Variants in NSMAF observed in about 807,000 individuals in gnomAD.
The protein encoded by NSMAF is neutral sphingomyelinase activation associated factor.
In NSMAF, 90 loss-of-function variants were observed where a neutral mutation model predicts 134.9. The ratio of observed to expected loss-of-function variants is 0.67; its 90% CI spans 0.56 to 0.79. NSMAF has a LOEUF of 0.79. Ranked by LOEUF, NSMAF falls within the 30% of genes least tolerant of loss-of-function variation. The pLI is 0.00. For synonymous variants in NSMAF, 358 were observed against 389.6 expected (o/e 0.92, Z 0.96); for missense variants, 1,010 against 1,119.0 (o/e 0.90, Z 1.39).
Position 58,589,492 on chromosome 8 carries a change from T to A in NSMAF, c.2171A>T (p.Asp724Val), listed in dbSNP as rs767390860. ...CCACGATGCAGAATATAGCCTGTTG[T>A]CATGCCAACAGATCTTACTAACAGC... The part of the protein sequence containing the change: ...DDAVSKICWH[D>V]NRLYSASWDS... The change falls in exon 26 of 31, where the codon GAC becomes GTC. Residue 724 changes from aspartate to valine, a missense_variant. Asp to Val is a radical substitution (Grantham distance 152). Coordinates refer to ENST00000038176, the MANE Select transcript of NSMAF (RefSeq NM_003580.4). 1 of 1,561,716 alleles carries A rather than the reference T, an allele frequency of 6.4e-7. No homozygotes were observed. The highest frequency in any genetic ancestry group is 1.7e-4 in the Middle Eastern group (1 of 5,942).
chr8:58,605,985 T>C lies in NSMAF; in HGVS notation c.810A>G (p.Leu270=), dbSNP rs1369403079. ...CTCTATCTTGAGGTTCATAGAACTT[T>C]AGGTAGATGTCGGAACACAGATCAT... ...TEDDLCSDIY[L]KFYEPQDRDD... The change falls in exon 12 of 31, where the codon CTA becomes CTG. Residue 270 remains leucine, a synonymous_variant. Transcript: ENST00000038176. 4 of 1,599,874 alleles carry C rather than the reference T, an allele frequency of 2.5e-6. No individual in the cohort carries two copies. The highest frequency in any genetic ancestry group is 2.3e-5 in the East Asian group (1 of 43,896).
intron 1 of NSMAF, among the ~76,000 whole-genome samples, chr8:58,647,426 C>T (rs368920134): frequency 2.6e-5 from 4 of 152,176 alleles, no homozygotes; most frequent in Admixed American, 1.3e-4. Flanking sequence ...AAACATCCCC[C>T]CAGTAATACA....
rs143050199 is a variant in NSMAF at position 58,657,937 on chromosome 8, T to C, written c.59+1636A>G. ...AGCAGCATATACATGGAAATGCAAG[T>C]ACAGGTTTCAAGGTTTGTGTGACAC... On this transcript the variant is annotated intron_variant, in intron 1 of 30. Transcript: ENST00000038176. Among the ~76,000 whole-genome samples, 93 of 152,312 alleles carry C rather than the reference T, an allele frequency of 6.1e-4. 2 individuals are homozygous for C. In the East Asian group the frequency reaches 0.015, roughly 24 times the overall value.
intron 2 of NSMAF, among the ~76,000 whole-genome samples, chr8:58,637,034 A>C (rs1001897336): frequency 6.6e-6 from 1 of 151,598 alleles, no homozygotes; most frequent in Non-Finnish European, 1.5e-5. Flanking sequence ...ACACACACAC[A>C]CACACACCCA....
chr8:58,616,207 A>G (rs1466157011), intron 9 of NSMAF, among the ~76,000 whole-genome samples: 14 of 152,158 alleles, frequency 9.2e-5, no homozygotes, highest in Admixed American at 7.9e-4. Flanking sequence ...TAAGGAAGAA[A>G]TAACAACAAT....
intron 5 of NSMAF, 31 bp from the exon 6 acceptor site, chr8:58,631,577 A>G: frequency 8.1e-7 from 1 of 1,233,522 alleles, no homozygotes; most frequent in Non-Finnish European, 1.1e-6. Flanking sequence ...CTTGTAAAAT[A>G]ATAACCAAAA....
chr8:58,645,265 T>TG (rs1807419672), intron 1 of NSMAF, among the ~76,000 whole-genome samples: 1 of 134,220 alleles, frequency 7.5e-6, no homozygotes, highest in Non-Finnish European at 1.7e-5. Flanking sequence ...GTTTTTCTAT[T>TG]TAAAAAAAAG....
chr8:58,659,734 G>C lies in NSMAF; in HGVS notation c.-103C>G. 1 of 929,410 alleles carries C rather than the reference G, an allele frequency of 1.1e-6. No homozygotes were observed. The highest frequency in any genetic ancestry group is 3.5e-5 in the East Asian group (1 of 28,624). The allele number at this position is 929,410 out of a possible 1,614,324, so 57.6% of individuals were successfully genotyped here. A position where few individuals can be genotyped will look rare whatever the true frequency, so the allele number is the denominator to read the frequency against. ...GGAGGGCGGGATTGGTGGCCGGCTG[G>C]GGAGCGCGCGGCTGCCGGCCTGGCT... On this transcript the variant is annotated 5_prime_UTR_variant, in exon 1 of 31. Transcript: ENST00000038176.
chr8:58,635,274 G>A (rs370911981), intron 4 of NSMAF, 31 bp downstream of exon 4: 477 of 1,608,090 alleles, frequency 3.0e-4, no homozygotes, highest in Non-Finnish European at 3.9e-4. Flanking sequence ...TTTGGTTGAA[G>A]TAAAATTAAA....
At chr8:58,628,242 G>A (rs560418597) in intron 6 of NSMAF, among the ~76,000 whole-genome samples, 1 of 152,056 alleles carries the variant, frequency 6.6e-6, no homozygotes, top group African/African-American at 2.4e-5. Flanking sequence ...AACACAAGAT[G>A]GATCAAAGAC....
rs773637730 is a variant in NSMAF at position 58,599,885 on chromosome 8, G to T, written c.1333-15C>A. 4 of 1,611,382 alleles carry T rather than the reference G, an allele frequency of 2.5e-6. No individual in the cohort carries two copies. The highest frequency in any genetic ancestry group is 2.5e-6 in the Non-Finnish European group (3 of 1,179,388). Reference sequence around the variant, plus strand: ...TCTGGAATTAACTGAAAGTTTCGGGGAAAAATAAAAAAGAACAACAAACAT... The same window carrying T: ...TCTGGAATTAACTGAAAGTTTCGGGTAAAAATAAAAAAGAACAACAAACAT... On this transcript the variant is annotated splice_polypyrimidine_tract_variant and intron_variant, in intron 17 of 30. Transcript: ENST00000038176.
At chr8:58,599,907 A>C (rs1563527147) in intron 17 of NSMAF, 37 bp from the exon 18 acceptor site, 5 of 1,613,222 alleles carry the variant, frequency 3.1e-6, no homozygotes, top group Middle Eastern at 1.7e-4. Context: ...AGAACAACAA[A>C]CATGTTTTAA....
chr8:58,634,891 A>T (rs1163410448), intron 5 of NSMAF, among the ~76,000 whole-genome samples: 1 of 152,184 alleles, frequency 6.6e-6, no homozygotes, highest in Non-Finnish European at 1.5e-5. Context: ...CTCACCTTCT[A>T]AATAGCTAGG....
At position 58,603,343 on chromosome 8, in the gene NSMAF, C is replaced by T; in HGVS notation, c.912G>A (p.Gln304=). Residue 304 remains glutamine (Q), a synonymous_variant, in exon 13 of 31, where the codon CAG becomes CAA. Transcript: ENST00000038176. ...AGTTGGAAAGGTGTCCACGCTGCCA[C>T]TGCAGCATGTAGCTCTCAGCAGTGT... The part of the protein sequence containing the change: ...AEHTAESYML[Q]WQRGHLSNYQ... 1.2e-6 allele frequency: 2 copies of T among 1,614,136 alleles called. No homozygotes were observed. Among genetic ancestry groups the T allele is most frequent in the Non-Finnish European group, 1.7e-6 (2 of 1,180,032 alleles).
At chr8:58,656,016 C>CTTTTTTTTTTTTTT (rs143612297) in intron 1 of NSMAF, among the ~76,000 whole-genome samples, 1 of 150,664 alleles carries the variant, frequency 6.6e-6, no homozygotes, top group African/African-American at 2.5e-5. Flanking sequence ...CTATCTAAAT[C>CTTTTTTTTTTTTTT]TTTTTTTTGT....
At chr8:58,594,425 G>A in intron 22 of NSMAF, 135 bp from the exon 23 acceptor site, 1 of 739,718 alleles carries the variant, frequency 1.4e-6, no homozygotes, top group Non-Finnish European at 2.3e-6. Context: ...ATCTGTCCCA[G>A]CATAAACCTG....
chr8:58,641,003 C>A (rs1002601315), intron 2 of NSMAF, among the ~76,000 whole-genome samples: 1 of 152,088 alleles, frequency 6.6e-6, no homozygotes, highest in Admixed American at 6.6e-5. Flanking sequence ...CTCACTGCAA[C>A]CTCCGCCTCC....
Position 58,589,486 on chromosome 8 carries a change from CTGT to C in NSMAF, c.2174_2176del (p.Asn725del). 6.4e-7 allele frequency: 1 copy of C among 1,559,094 alleles called. No individual in the cohort carries two copies. Among genetic ancestry groups the C allele is most frequent in the Non-Finnish European group, 8.6e-7 (1 of 1,161,832 alleles). On this transcript the variant is annotated inframe_deletion, in exon 26 of 31. Transcript: ENST00000038176. ...AGAGTCCCACGATGCAGAATATAGCCTGTTGTCATGCCAACAGATCTTACTAAC... is the reference window on the plus strand; with the variant it reads ...AGAGTCCCACGATGCAGAATATAGCCTGTCATGCCAACAGATCTTACTAAC...
At chr8:58,602,900 G>A (rs915861745) in intron 13 of NSMAF, among the ~76,000 whole-genome samples, 1 of 152,156 alleles carries the variant, frequency 6.6e-6, no homozygotes, top group African/African-American at 2.4e-5. Context: ...TTTTCAAAGT[G>A]AGAAGCAAAT....
Sources: gnomAD v4.1 joint callset for allele counts (sites outside exome capture counted in the v4.1 genomes callset) on GRCh38, gnomAD v4.1.1 for gene constraint, MANE v1.5 for transcripts, NCBI Gene and HGNC (gene_info 2026-07-23, HGNC 2026-07-21) for gene names.